TNR: variants seen among roughly 807,000 people sequenced by gnomAD.
TNR encodes the protein tenascin-R.
A neutral mutation model predicts 150.4 loss-of-function variants in TNR; 45 were observed. The observed-to-expected ratio is 0.30, with a 90% CI of 0.24 to 0.38. TNR has a LOEUF of 0.38. Among genes scored for constraint, TNR ranks in the 10% least tolerant of loss-of-function variants. The pLI is 1.00. For missense variants in TNR, 1,544 were observed against 1,759.1 expected (o/e 0.88, Z 2.19); for synonymous variants, 687 against 678.4 (o/e 1.01, Z -0.20).
At chr1:175,550,766 G>A (rs912623404) in intron 1 of TNR, among the ~76,000 whole-genome samples, 2 of 151,700 alleles carry the variant, frequency 1.3e-5, no homozygotes, top group African/African-American at 4.8e-5. Context: ...GTCAGAAAAT[G>A]CAGGGAACAG....
intron 1 of TNR, among the ~76,000 whole-genome samples, chr1:175,702,923 C>T (rs1223882425): frequency 1.3e-5 from 2 of 152,188 alleles, no homozygotes; most frequent in Non-Finnish European, 2.9e-5. Context: ...TTTCAGTTTG[C>T]TACCACAGAC....
intron 8 of TNR, among the ~76,000 whole-genome samples, chr1:175,384,090 C>T (rs144914262): frequency 1.3e-5 from 2 of 152,354 alleles, no homozygotes; most frequent in Non-Finnish European, 2.9e-5. Context: ...ATTTGTTTTC[C>T]ATCATGCTGC....
At chr1:175,667,420 C>T (rs542645690) in intron 1 of TNR, among the ~76,000 whole-genome samples, 4 of 152,340 alleles carry the variant, frequency 2.6e-5, no homozygotes, top group South Asian at 4.1e-4. Flanking sequence ...TGGAACCCAT[C>T]CAGCTTGTAT....
intron 2 of TNR, among the ~76,000 whole-genome samples, chr1:175,478,137 CT>C (rs1158299144): frequency 6.6e-6 from 1 of 152,154 alleles, no homozygotes; most frequent in East Asian, 1.9e-4. Flanking sequence ...TGTGTAATTG[CT>C]CTCTTGGATT....
intron 1 of TNR, among the ~76,000 whole-genome samples, chr1:175,700,441 C>G (rs888865559): frequency 1.3e-5 from 2 of 152,214 alleles, no homozygotes; most frequent in African/African-American, 2.4e-5. Flanking sequence ...TAGCCCTTTG[C>G]TAAGATCTGG....
At chr1:175,331,078 C>CTTCTTTCTTTCTTTCTTTCTTTCT (rs1434211485) in intron 20 of TNR, among the ~76,000 whole-genome samples, 11 of 59,942 alleles carry the variant, frequency 1.8e-4, no homozygotes, top group African/African-American at 5.0e-4. Context: ...TCTTTCTTTC[C>CTTCTTTCTTTCTTTCTTTCTTTCT]TTCTTTCTTT....
At chr1:175,335,135 A>G (rs1650170737) in intron 20 of TNR, among the ~76,000 whole-genome samples, 3 of 152,244 alleles carry the variant, frequency 2.0e-5, no homozygotes, top group Admixed American at 1.3e-4. Flanking sequence ...CACTTTCCAG[A>G]ACTTGGCACC....
chr1:175,527,290 G>A (rs182055918), intron 2 of TNR, among the ~76,000 whole-genome samples: 1 of 152,186 alleles, frequency 6.6e-6, no homozygotes, highest in African/African-American at 2.4e-5. Context: ...GTTCAAAGGT[G>A]TTTTAAATGG....
In TNR at chr1:175,719,740, G is replaced by A. The variant is rs187177867; in HGVS notation, c.-165+23486C>T. On this transcript the variant is annotated intron_variant, in intron 1 of 22. Coordinates refer to ENST00000367674, the MANE Select transcript of TNR (RefSeq NM_003285.3). ...AGGACACAATGATAGCAGAGACCCC[G>A]CTGGGAGATACAGCAAGTTCTCCTT... Among the ~76,000 whole-genome samples, 879 of 152,262 alleles carry A rather than the reference G, an allele frequency of 5.8e-3. 13 individuals are homozygous for A. Among genetic ancestry groups the A allele is most frequent in the African/African-American group, 0.02 (830 of 41,550 alleles).
intron 1 of TNR, among the ~76,000 whole-genome samples, chr1:175,564,388 A>G (rs1661553300): frequency 6.6e-6 from 1 of 152,264 alleles, no homozygotes; most frequent in Admixed American, 6.5e-5. Context: ...TGTGGTTTAC[A>G]GGATGGGAAA....
rs558835365 is a variant in TNR, at chr1:175,487,310, A to G, written c.-64+40959T>C. On this transcript the variant is annotated intron_variant, in intron 2 of 22. Coordinates refer to ENST00000367674, the MANE Select transcript of TNR (RefSeq NM_003285.3). ...CGACAGGAGGTGGAGCTCAGGTGGT[A>G]ATGCTTACTGGCCCACCACTCACCT... Among the ~76,000 whole-genome samples the G allele has an allele frequency of 4.6e-5, 7 of 152,232 alleles. No individual in the cohort carries two copies. In the East Asian group the frequency reaches 1.4e-3, roughly 29 times the overall value.
chr1:175,349,966 A>C (rs1479073940), intron 18 of TNR, among the ~76,000 whole-genome samples: 1 of 152,184 alleles, frequency 6.6e-6, no homozygotes, highest in Non-Finnish European at 1.5e-5. Flanking sequence ...TTTGGTGAAA[A>C]GGATTTGTGG....
intron 2 of TNR, among the ~76,000 whole-genome samples, chr1:175,441,633 G>C (rs1237262462): frequency 1.3e-5 from 2 of 151,478 alleles, no homozygotes; most frequent in Non-Finnish European, 1.5e-5. Flanking sequence ...CAGCACAGCT[G>C]TGTGTGTGTG....
chr1:175,528,514 T>C, intron 1 of TNR, 145 bp from the exon 2 acceptor site: 1 of 152,242 alleles, frequency 6.6e-6, no homozygotes, highest in East Asian at 1.9e-4. Context: ...AAGAAAATTG[T>C]TGCTTAGTTG....
chr1:175,347,548 C>T (rs1650853328), intron 18 of TNR, among the ~76,000 whole-genome samples: 1 of 152,060 alleles, frequency 6.6e-6, no homozygotes, highest in Non-Finnish European at 1.5e-5. Flanking sequence ...CTGTCTCAGC[C>T]TCCTGAGTAG....
At chr1:175,679,436 G>C (rs1043067373) in intron 1 of TNR, among the ~76,000 whole-genome samples, 1 of 152,222 alleles carries the variant, frequency 6.6e-6, no homozygotes, top group African/African-American at 2.4e-5. Flanking sequence ...GAGGGAGAGA[G>C]ACAACATTAA....
chr1:175,645,923 C>T (rs944227437), intron 1 of TNR, among the ~76,000 whole-genome samples: 3 of 150,876 alleles, frequency 2.0e-5, no homozygotes, highest in African/African-American at 7.4e-5. Context: ...GCATATAAGA[C>T]AAAGCCGGTA....
intron 1 of TNR, among the ~76,000 whole-genome samples, chr1:175,699,034 A>G (rs1666612024): frequency 6.6e-6 from 1 of 152,210 alleles, no homozygotes; most frequent in African/African-American, 2.4e-5. Context: ...AATACCAATT[A>G]GGAGGTGCCA....
chr1:175,502,869 C>T (rs1266100282), intron 2 of TNR, among the ~76,000 whole-genome samples: 1 of 151,920 alleles, frequency 6.6e-6, no homozygotes, highest in African/African-American at 2.4e-5. Flanking sequence ...AAGACATGAT[C>T]AAATATGCCC....
Sources: allele counts gnomAD v4.1 joint callset (sites outside exome capture counted in the v4.1 genomes callset), GRCh38; gene constraint gnomAD v4.1.1; transcripts MANE v1.5; gene names NCBI Gene and HGNC (gene_info 2026-07-23, HGNC 2026-07-21).